BMP6: variants seen among roughly 807,000 people sequenced by gnomAD.
The protein encoded by BMP6 is bone morphogenetic protein 6, also known as VG-1-R.
A neutral mutation model predicts 54.1 loss-of-function variants in BMP6; 17 were observed. The ratio of observed to expected loss-of-function variants is 0.31; its 90% CI spans 0.22 to 0.47. The LOEUF is 0.47. Ranked by LOEUF, BMP6 falls within the 20% of genes least tolerant of loss-of-function variation. The pLI is 1.00. For missense variants in BMP6, 720 were observed against 690.4 expected (o/e 1.04, Z -0.48); for synonymous variants, 328 against 291.2 (o/e 1.13, Z -1.28).
At chr6:7,854,869 A>G (rs764353601) in intron 2 of BMP6, among the ~76,000 whole-genome samples, 6 of 152,240 alleles carry the variant, frequency 3.9e-5, no homozygotes, top group Non-Finnish European at 7.3e-5. Flanking sequence ...TGAAGATTAG[A>G]GTATACCCCA....
At chr6:7,741,258 T>C (rs931050505) in intron 1 of BMP6, among the ~76,000 whole-genome samples, 2 of 152,192 alleles carry the variant, frequency 1.3e-5, no homozygotes, top group Non-Finnish European at 2.9e-5. Context: ...ACTTGTCCTA[T>C]GCAGAGAGGC....
intron 2 of BMP6, among the ~76,000 whole-genome samples, chr6:7,847,331 A>G (rs1408888671): frequency 6.6e-6 from 1 of 152,320 alleles, no homozygotes; most frequent in Non-Finnish European, 1.5e-5. Flanking sequence ...GAAGGGCTCC[A>G]GTTTGGCCAG....
chr6:7,811,093 G>T (rs116682995), intron 1 of BMP6, among the ~76,000 whole-genome samples: 3,292 of 152,288 alleles, frequency 0.022, 39 homozygotes, highest in Non-Finnish European at 0.032. Context: ...GCTTTGGGAC[G>T]AATCAGTCCC....
rs1191931040 is a variant in BMP6, at chr6:7,821,919, A to T, written c.665-23221A>T. Among the ~76,000 whole-genome samples, 4 of 152,336 alleles carry T rather than the reference A, an allele frequency of 2.6e-5. No individual in the cohort carries two copies. The East Asian group carries it at 7.7e-4, about 29-fold the overall frequency. On this transcript the variant is annotated intron_variant, in intron 1 of 6. Coordinates refer to ENST00000283147, the MANE Select transcript of BMP6 (RefSeq NM_001718.6). ...GAAGGGGAAAGTTGCAGGGAATGAG[A>T]TTTAACCTAAAATAGGGCTTACGGT...
intron 1 of BMP6, among the ~76,000 whole-genome samples, chr6:7,837,648 T>C (rs1047042902): frequency 6.6e-6 from 1 of 152,004 alleles, no homozygotes; most frequent in African/African-American, 2.4e-5. Flanking sequence ...GGGGGAAGAC[T>C]GAGGGGGGCT....
At chr6:7,729,383 T>TG (rs1225777487) in intron 1 of BMP6, among the ~76,000 whole-genome samples, 1 of 150,846 alleles carries the variant, frequency 6.6e-6, no homozygotes, top group African/African-American at 2.4e-5. Flanking sequence ...TATTGCCTCT[T>TG]GGGGGTAGTC....
At chr6:7,872,498 C>T (rs1281699138) in intron 4 of BMP6, among the ~76,000 whole-genome samples, 1 of 152,206 alleles carries the variant, frequency 6.6e-6, no homozygotes, top group Non-Finnish European at 1.5e-5. Context: ...TTGAATTCCT[C>T]CTTTTCCTCT....
intron 1 of BMP6, among the ~76,000 whole-genome samples, chr6:7,765,612 G>T (rs1757674822): frequency 1.3e-5 from 2 of 152,182 alleles, no homozygotes; most frequent in African/African-American, 4.8e-5. Flanking sequence ...TCACTAATTG[G>T]CTTGACGCTC....
intron 1 of BMP6, among the ~76,000 whole-genome samples, chr6:7,808,828 T>G (rs1309276279): frequency 6.6e-6 from 1 of 150,384 alleles, no homozygotes; most frequent in East Asian, 1.9e-4. Flanking sequence ...GCAGAAGGAT[T>G]GCTTGAGCCC....
chr6:7,843,424 T>TTTTTC (rs544397452), intron 1 of BMP6, among the ~76,000 whole-genome samples: 1 of 151,360 alleles, frequency 6.6e-6, no homozygotes, highest in Non-Finnish European at 1.5e-5. Flanking sequence ...TTAGCTCTTT[T>TTTTTC]TTTTCTTTTC....
chr6:7,854,566 G>A (rs1203623234), intron 2 of BMP6, among the ~76,000 whole-genome samples: 1 of 152,224 alleles, frequency 6.6e-6, no homozygotes, highest in Admixed American at 6.5e-5. Context: ...CGAGGCCGGG[G>A]CAGGCGGGTC....
chr6:7,778,118 G>A (rs149073314), intron 1 of BMP6, among the ~76,000 whole-genome samples: 70 of 152,242 alleles, frequency 4.6e-4, no homozygotes, highest in East Asian at 3.3e-3. Context: ...GACTGTCGGC[G>A]ACCATCAGAG....
intron 1 of BMP6, among the ~76,000 whole-genome samples, chr6:7,771,174 G>T (rs780890458): frequency 3.9e-5 from 6 of 152,112 alleles, no homozygotes; most frequent in Non-Finnish European, 7.4e-5. Flanking sequence ...CAGTTAAGCC[G>T]CTGCAGAATA....
intron 2 of BMP6, among the ~76,000 whole-genome samples, chr6:7,856,068 C>G (rs1441163716): frequency 2.1e-5 from 3 of 141,362 alleles, no homozygotes; most frequent in Non-Finnish European, 4.5e-5. Context: ...TTTGAAACGT[C>G]TCTTCATACC....
chr6:7,792,460 C>T (rs371068566), intron 1 of BMP6, among the ~76,000 whole-genome samples: 5 of 152,166 alleles, frequency 3.3e-5, no homozygotes, highest in African/African-American at 1.2e-4. Context: ...TTGAAGTGGG[C>T]TGTGTACTCA....
At chr6:7,819,075 A>C (rs1758569928) in intron 1 of BMP6, among the ~76,000 whole-genome samples, 2 of 152,182 alleles carry the variant, frequency 1.3e-5, no homozygotes, top group African/African-American at 4.8e-5. Flanking sequence ...GACAAGCTGC[A>C]ATGTGAGATT....
intron 1 of BMP6, among the ~76,000 whole-genome samples, chr6:7,812,655 A>G (rs1448903188): frequency 6.6e-6 from 1 of 152,194 alleles, no homozygotes; most frequent in Non-Finnish European, 1.5e-5. Context: ...TATGGCAAAG[A>G]CCTATTCTTA....
chr6:7,743,781 T>C (rs1423057795), intron 1 of BMP6, among the ~76,000 whole-genome samples: 1 of 152,226 alleles, frequency 6.6e-6, no homozygotes, highest in Non-Finnish European at 1.5e-5. Flanking sequence ...GAGGAATTTA[T>C]TTCCATGATT....
chr6:7,727,329 C>G lies in BMP6; in HGVS notation c.374C>G (p.Pro125Arg), dbSNP rs769021981. The G allele has an allele frequency of 1.2e-6, 2 of 1,609,522 alleles. No individual in the cohort carries two copies. Among genetic ancestry groups the G allele is most frequent in the African/African-American group, 1.3e-5 (1 of 74,860 alleles). Residue 125 changes from proline (P) to arginine (R), a missense_variant, in exon 1 of 7, where the codon CCT (proline) becomes CGT (arginine). Coordinates refer to ENST00000283147, the MANE Select transcript of BMP6 (RefSeq NM_001718.6). ...QQQQLPRGEP[P>R]PGRLKSAPLF... The stretch of plus-strand genomic sequence containing the variant: ...CAGCAGCTGCCTCGCGGAGAGCCCC[C>G]TCCCGGGCGACTGAAGTCCGCGCCC...
Sources: allele counts gnomAD v4.1 joint callset (sites outside exome capture counted in the v4.1 genomes callset), GRCh38; gene constraint gnomAD v4.1.1; transcripts MANE v1.5; gene names NCBI Gene and HGNC (gene_info 2026-07-23, HGNC 2026-07-21).